Variants in GAREM1 observed in about 807,000 individuals in gnomAD.
GAREM1 encodes the protein GRB2-associated and regulator of MAPK protein 1.
In GAREM1, 26 loss-of-function variants were observed where a neutral mutation model predicts 71.3. The observed-to-expected ratio is 0.36, with a 90% CI of 0.27 to 0.51. GAREM1 has a LOEUF of 0.51. Ranked by LOEUF, GAREM1 falls within the 20% of genes least tolerant of loss-of-function variation. The probability of loss-of-function intolerance (pLI) is 0.95; values close to 1 mark genes in which losing one functional copy is unlikely to be tolerated. For missense variants in GAREM1, 1,026 were observed against 1,103.1 expected (o/e 0.93, Z 0.99); for synonymous variants, 440 against 433.2 (o/e 1.02, Z -0.20).
intron 1 of GAREM1, among the ~76,000 whole-genome samples, chr18:32,455,512 C>G (rs1173954030): frequency 6.6e-6 from 1 of 152,168 alleles, no homozygotes; most frequent in African/African-American, 2.4e-5. Flanking sequence ...CGCACATACA[C>G]ACACACTTAC....
At chr18:32,449,987 A>G (rs567093865) in intron 1 of GAREM1, among the ~76,000 whole-genome samples, 1 of 152,342 alleles carries the variant, frequency 6.6e-6, no homozygotes, top group Non-Finnish European at 1.5e-5. Flanking sequence ...AATGGACAGA[A>G]AAAGCAAGCC....
intron 3 of GAREM1, among the ~76,000 whole-genome samples, chr18:32,306,787 G>A (rs1158141188): frequency 2.6e-5 from 4 of 152,166 alleles, no homozygotes; most frequent in African/African-American, 9.7e-5. Context: ...TAATCTCCAT[G>A]CAGTGAGGGA....
chr18:32,413,250 T>C, intron 1 of GAREM1: 1 of 1,564,202 alleles, frequency 6.4e-7, no homozygotes, highest in Non-Finnish European at 8.8e-7. Flanking sequence ...AGAAAAATAT[T>C]TCAACTACAT....
chr18:32,419,536 C>A (rs992140975), intron 1 of GAREM1, among the ~76,000 whole-genome samples: 5 of 152,114 alleles, frequency 3.3e-5, no homozygotes, highest in African/African-American at 1.2e-4. Flanking sequence ...CCTGACCATA[C>A]TGGCACTGTG....
At chr18:32,335,261 C>T (rs1473035383) in intron 2 of GAREM1, among the ~76,000 whole-genome samples, 1 of 152,194 alleles carries the variant, frequency 6.6e-6, no homozygotes, top group Admixed American at 6.5e-5. Context: ...TCATAGAATG[C>T]TAACGCTGGA....
At chr18:32,353,078 C>A (rs1326843446) in intron 2 of GAREM1, among the ~76,000 whole-genome samples, 2 of 152,160 alleles carry the variant, frequency 1.3e-5, no homozygotes, top group Admixed American at 1.3e-4. Flanking sequence ...CAGACGTTAA[C>A]AGATAAGTAA....
Position 32,392,984 on chromosome 18 carries a change from C to A in GAREM1, c.173G>T (p.Cys58Phe). 6.2e-7 allele frequency: 1 copy of A among 1,613,824 alleles called. No homozygotes were observed. The highest frequency in any genetic ancestry group is 1.3e-5 in the African/African-American group (1 of 74,984). ...GGCAGTGATGGTGGTCCACTGGCGGCAGGAATGAATCAGCAGATAGTCATT... is the reference window on the plus strand; with the variant it reads ...GGCAGTGATGGTGGTCCACTGGCGGAAGGAATGAATCAGCAGATAGTCATT... ...RENDYLLIHS[C>F]RQWTTITAHS... Residue 58 changes from cysteine to phenylalanine, a missense_variant, in exon 2 of 6, where the codon TGC (cysteine) becomes TTC (phenylalanine). Cys to Phe is a radical substitution (Grantham distance 205). Around this residue, in one of 3 missense-constraint regions of GAREM1, gnomAD observed 172 missense variants for 175.2 expected, o/e 0.98. Coordinates refer to ENST00000269209, the MANE Select transcript of GAREM1 (RefSeq NM_001242409.2).
intron 3 of GAREM1, among the ~76,000 whole-genome samples, chr18:32,297,574 T>C (rs1242104319): frequency 1.3e-5 from 2 of 152,266 alleles, no homozygotes; most frequent in Middle Eastern, 3.2e-3. Flanking sequence ...CCCAAACCAC[T>C]ACTTCTAAGT....
In GAREM1 at chr18:32,265,931, A is replaced by T. The variant is rs911666583; in HGVS notation, c.*1940T>A. ...AGAGGTTTACTTTACTAAGGGAGGC[A>T]GTCCCCCTCACACAGAAGGATGCTT... On this transcript the variant is annotated 3_prime_UTR_variant, in exon 6 of 6. Transcript: ENST00000269209. 6.6e-6 allele frequency: 1 copy of T among 152,170 alleles called. No homozygotes were observed. Among genetic ancestry groups the T allele is most frequent in the African/African-American group, 2.4e-5 (1 of 41,440 alleles). 9.4% of individuals were successfully genotyped at this position (152,170 alleles called of 1,614,324 possible).
chr18:32,360,438 A>C (rs988742093), intron 2 of GAREM1, among the ~76,000 whole-genome samples: 3 of 152,114 alleles, frequency 2.0e-5, no homozygotes, highest in Non-Finnish European at 4.4e-5. Flanking sequence ...TTCAGATGGA[A>C]GTTTCAGGTG....
chr18:32,453,164 G>A (rs999011582), intron 1 of GAREM1, among the ~76,000 whole-genome samples: 1 of 152,006 alleles, frequency 6.6e-6, no homozygotes, highest in Non-Finnish European at 1.5e-5. Context: ...TGAGAACCAA[G>A]CAAAAGGGGA....
At chr18:32,298,260 A>G (rs984181419) in intron 3 of GAREM1, among the ~76,000 whole-genome samples, 1 of 152,260 alleles carries the variant, frequency 6.6e-6, no homozygotes, top group African/African-American at 2.4e-5. Context: ...TGAATAAATT[A>G]TACAACTAAC....
At chr18:32,393,157 G>T in intron 1 of GAREM1, 122 bp from the exon 2 acceptor site, 4 of 826,422 alleles carry the variant, frequency 4.8e-6, no homozygotes, top group Non-Finnish European at 7.1e-6. Flanking sequence ...ATCCCAAGAT[G>T]AGATAAAGTT....
At chr18:32,448,886 GC>G (rs1306580084) in intron 1 of GAREM1, among the ~76,000 whole-genome samples, 1 of 152,142 alleles carries the variant, frequency 6.6e-6, no homozygotes, top group Non-Finnish European at 1.5e-5. Flanking sequence ...ATTCTGCAGG[GC>G]CCTCATGGTT....
chr18:32,411,596 T>C (rs1295398082), intron 1 of GAREM1, among the ~76,000 whole-genome samples: 3 of 152,216 alleles, frequency 2.0e-5, no homozygotes, highest in Non-Finnish European at 2.9e-5. Context: ...GGTACCATTA[T>C]TCAATTTAGA....
intron 2 of GAREM1, among the ~76,000 whole-genome samples, chr18:32,367,755 A>G (rs990593860): frequency 1.3e-5 from 2 of 152,150 alleles, no homozygotes; most frequent in Non-Finnish European, 2.9e-5. Context: ...AACCATGATG[A>G]CCATACAAAG....
chr18:32,287,900 C>T lies in GAREM1; in HGVS notation c.697G>A (p.Glu233Lys), dbSNP rs2144468605. Residue 233 changes from glutamate (E) to lysine (K), a missense_variant, in exon 4 of 6, where the codon GAA (glutamate) becomes AAA (lysine). By Grantham distance (56) the Glu-to-Lys change is moderately conservative. This residue lies in a region of GAREM1 where 218 missense variants were observed against 296.8 expected (regional missense o/e 0.73). Coordinates refer to ENST00000269209, the MANE Select transcript of GAREM1 (RefSeq NM_001242409.2). This position sits in a 1 kb window ranked among gnomAD's most constrained non-coding sequence, Gnocchi z 5.9. ...TCCACAATGTTGCGGATGGTGTGTT[C>T]GCCCTCTTGCATCTGAAGTTCCAGG... ...SPLELQMQEGEHTIRNIVEKT... is the reference protein window; with the variant it reads ...SPLELQMQEGKHTIRNIVEKT... The T allele has an allele frequency of 1.2e-6, 2 of 1,613,936 alleles. No individual in the cohort carries two copies. The highest frequency in any genetic ancestry group is 1.7e-6 in the Non-Finnish European group (2 of 1,180,004).
At chr18:32,418,268 T>C (rs1599033884) in intron 1 of GAREM1, among the ~76,000 whole-genome samples, 1 of 152,310 alleles carries the variant, frequency 6.6e-6, no homozygotes, top group Middle Eastern at 3.4e-3. Context: ...GACTTTCTTC[T>C]TGCTATGCTT....
intron 4 of GAREM1, among the ~76,000 whole-genome samples, chr18:32,277,125 C>T (rs1476876959): frequency 1.3e-5 from 2 of 152,244 alleles, no homozygotes; most frequent in Admixed American, 1.3e-4. Flanking sequence ...CAGAGCCAGA[C>T]TCTAGTGAGT....
Sources: allele counts gnomAD v4.1 joint callset (sites outside exome capture counted in the v4.1 genomes callset), GRCh38; gene constraint gnomAD v4.1.1; regional missense constraint gnomAD v4.1.1; non-coding constraint Gnocchi (gnomAD v3.1); transcripts MANE v1.5; gene names NCBI Gene and HGNC (gene_info 2026-07-23, HGNC 2026-07-21).